Variants in ZFYVE27 observed in about 807,000 individuals in gnomAD.
The protein encoded by ZFYVE27 is protrudin.
Under a neutral mutation model 52.8 loss-of-function variants are expected in ZFYVE27, and 36 were observed. The observed-to-expected ratio is 0.68, with a 90% CI of 0.52 to 0.90. ZFYVE27 has a LOEUF of 0.90. ZFYVE27 is among the 40% of genes least tolerant of loss of function. The pLI is 0.00. For missense variants in ZFYVE27, 450 were observed against 527.2 expected (o/e 0.85, Z 1.43); for synonymous variants, 223 against 215.6 (o/e 1.03, Z -0.30).
intron 5 of ZFYVE27, among the ~76,000 whole-genome samples, chr10:97,748,883 A>T (rs1016326729): frequency 6.6e-6 from 1 of 152,240 alleles, no homozygotes; most frequent in Non-Finnish European, 1.5e-5. Context: ...TTATGGATTT[A>T]GCTTTAATGT....
Position 97,753,083 on chromosome 10 carries a change from C to T in ZFYVE27, c.943C>T (p.Leu315=), listed in dbSNP as rs1415967517. Residue 315 remains leucine (L), a synonymous_variant, in exon 10 of 13, where the codon CTG becomes TTG. Transcript: ENST00000684270. The stretch of plus-strand genomic sequence containing the variant: ...GTGCCCAGCAGAGGATGAGCTGGCC[C>T]TGCAGGACAACGGGTTCCTGAGCAA... ...APCPAEDELA[L]QDNGFLSKNE... 19 of 1,611,712 alleles carry T rather than the reference C, an allele frequency of 1.2e-5. 2 individuals carry two copies. The highest frequency in any genetic ancestry group is 2.2e-5 in the South Asian group (2 of 90,542).
At chr10:97,740,533 C>T (rs991069174) in intron 2 of ZFYVE27, among the ~76,000 whole-genome samples, 1 of 152,160 alleles carries the variant, frequency 6.6e-6, no homozygotes, top group African/African-American at 2.4e-5. Flanking sequence ...CTGTCCTGCC[C>T]GTCTCCTTTT....
chr10:97,747,237 C>T (rs1049001658), intron 4 of ZFYVE27, among the ~76,000 whole-genome samples: 1 of 152,166 alleles, frequency 6.6e-6, no homozygotes, highest in Non-Finnish European at 1.5e-5. Context: ...ATGTTCAGTA[C>T]ATCCGTATCA....
rs776522570 is a variant in ZFYVE27, at chr10:97,750,443, C to A, written c.777C>A (p.Asp259Glu). 2 of 1,614,158 alleles carry A rather than the reference C, an allele frequency of 1.2e-6. No individual in the cohort carries two copies. Among genetic ancestry groups the A allele is most frequent in the East Asian group, 4.5e-5 (2 of 44,872 alleles). ...TTGGGGGGAAGGATGGTCTGATGGA[C>A]AGCACGCCTGCCCTCACACCCACGG... ...PDVGGKDGLM[D>E]STPALTPTED... Residue 259 changes from aspartate (D) to glutamate (E), a missense_variant, in exon 7 of 13, where the codon GAC becomes GAA. Asp to Glu is a conservative substitution (Grantham distance 45, BLOSUM62 2). Coordinates refer to ENST00000684270, the MANE Select transcript of ZFYVE27 (RefSeq NM_001385875.1).
At chr10:97,757,234 C>T (rs769844106) in intron 10 of ZFYVE27, 31 bp from the exon 11 acceptor site, 20 of 1,614,030 alleles carry the variant, frequency 1.2e-5, no homozygotes, top group Middle Eastern at 1.7e-4. Context: ...CTGGGATGGG[C>T]GGGGGTTGAG....
chr10:97,744,720 A>AT lies in ZFYVE27; in HGVS notation c.269-7dup. 1 of 1,613,220 alleles carries AT rather than the reference A, an allele frequency of 6.2e-7. No homozygotes were observed. The highest frequency in any genetic ancestry group is 8.5e-7 in the Non-Finnish European group (1 of 1,179,984). ...ACCTGTGTTACCTGCAGTGTTTTTG[A>AT]TTCTGCAGGTGCATGGTACTCAGTA... is the stretch of plus-strand genomic sequence containing the variant. On this transcript the variant is annotated splice_polypyrimidine_tract_variant and intron_variant, in intron 3 of 12. Coordinates refer to ENST00000684270, the MANE Select transcript of ZFYVE27 (RefSeq NM_001385875.1).
chr10:97,745,296 C>T (rs1229344148), intron 4 of ZFYVE27, among the ~76,000 whole-genome samples: 1 of 151,932 alleles, frequency 6.6e-6, no homozygotes, highest in Non-Finnish European at 1.5e-5. Context: ...TCTCCTGCCT[C>T]AGCCTCCCAA....
intron 7 of ZFYVE27, among the ~76,000 whole-genome samples, chr10:97,750,870 A>G (rs2046788422): frequency 1.3e-5 from 2 of 151,726 alleles, no homozygotes; most frequent in South Asian, 4.2e-4. Flanking sequence ...CCTCTTGGGT[A>G]GCTGGGACTG....
Position 97,759,423 on chromosome 10 carries a change from T to G in ZFYVE27, c.*123T>G. 2 of 932,640 alleles carry G rather than the reference T, an allele frequency of 2.1e-6. No homozygotes were observed. Among genetic ancestry groups the G allele is most frequent in the South Asian group, 2.8e-5 (2 of 72,720 alleles). The allele number at this position is 932,640 out of a possible 1,614,324, so 57.8% of individuals were successfully genotyped here. A position where few individuals can be genotyped will look rare whatever the true frequency, so the allele number is the denominator to read the frequency against. On this transcript the variant is annotated 3_prime_UTR_variant, in exon 13 of 13. Coordinates refer to ENST00000684270, the MANE Select transcript of ZFYVE27 (RefSeq NM_001385875.1). ...AATGTGGCCTGAATGCTAGGTAGGC[T>G]TCCCCTTCCTTCCTCACTCTCTCCA...
chr10:97,751,500 C>T (rs756139941), intron 8 of ZFYVE27, 38 bp downstream of exon 8: 9 of 1,602,900 alleles, frequency 5.6e-6, no homozygotes, highest in Non-Finnish European at 6.8e-6. Context: ...ACTCAGCAGG[C>T]CAGAAATTGG....
intron 8 of ZFYVE27, among the ~76,000 whole-genome samples, chr10:97,751,809 G>T (rs2047077557): frequency 6.6e-6 from 1 of 152,196 alleles, no homozygotes; most frequent in Non-Finnish European, 1.5e-5. Flanking sequence ...CCGCTCTTCT[G>T]CAGAGTGAGT....
chr10:97,747,384 TCAAA>T (rs1479829261), intron 4 of ZFYVE27, among the ~76,000 whole-genome samples: 1 of 152,232 alleles, frequency 6.6e-6, no homozygotes, highest in Non-Finnish European at 1.5e-5. Flanking sequence ...TTGTTCCTCA[TCAAA>T]CATTTATCCA....
intron 3 of ZFYVE27, 117 bp from the exon 4 acceptor site, chr10:97,744,612 G>C: frequency 8.2e-7 from 1 of 1,221,080 alleles, no homozygotes; most frequent in East Asian, 2.5e-5. Context: ...AGAGCTATCA[G>C]GGAAGGCCTG....
In ZFYVE27 at chr10:97,747,569, T is replaced by C. The variant is rs77236677; in HGVS notation, c.456-700T>C. 2.8e-4 allele frequency among the ~76,000 whole-genome samples: 42 copies of C among 152,348 alleles called. No individual in the cohort carries two copies. The East Asian group carries it at 7.7e-3, about 28-fold the overall frequency. On this transcript the variant is annotated intron_variant, in intron 4 of 12. Transcript: ENST00000684270. ...ACTCATAGATTTATATTTTATTTGATGAGTTAGAATCTATTACTATCATTA... is the reference window on the plus strand; with the variant it reads ...ACTCATAGATTTATATTTTATTTGACGAGTTAGAATCTATTACTATCATTA...
At position 97,749,588 on chromosome 10, in the gene ZFYVE27, T is replaced by C. The variant is rs534257642; in HGVS notation, c.664+2T>C. ...TGGGGAATGTGGAGTTCTTCCGAGG[T>C]AAGCCCTGAAGGGCCTGAAAGATGG... is the stretch of plus-strand genomic sequence containing the variant. On this transcript the variant is annotated splice_donor_variant, in intron 6 of 12. Transcript: ENST00000684270. LOFTEE classifies it high-confidence loss of function. 34 of 1,613,494 alleles carry C rather than the reference T, an allele frequency of 2.1e-5. No homozygotes were observed. The highest frequency in any genetic ancestry group is 2.8e-5 in the Non-Finnish European group (33 of 1,179,538).
chr10:97,759,258 T>G lies in ZFYVE27; in HGVS notation c.1194T>G (p.Thr398=), dbSNP rs1487318505. The G allele has an allele frequency of 6.2e-7, 1 of 1,613,976 alleles. No homozygotes were observed. The highest frequency in any genetic ancestry group is 1.3e-5 in the African/African-American group (1 of 74,902). The change falls in exon 13 of 13, where the codon ACT becomes ACG. Residue 398 remains threonine, a synonymous_variant. Transcript: ENST00000684270. ...CAGCCCCTGAAGCCCAGAGGGAGACTGTGTTTGTGTGTGCCTCGTGTAACC... is the reference window on the plus strand; with the variant it reads ...CAGCCCCTGAAGCCCAGAGGGAGACGGTGTTTGTGTGTGCCTCGTGTAACC... The part of the protein sequence containing the change: ...GATAPEAQRE[T]VFVCASCNQT...
chr10:97,754,475 G>A (rs1214633784), intron 10 of ZFYVE27, among the ~76,000 whole-genome samples: 1 of 152,018 alleles, frequency 6.6e-6, no homozygotes, highest in East Asian at 1.9e-4. Flanking sequence ...ACCATGCCTG[G>A]CTAATTTTTG....
At chr10:97,759,034 C>T (rs2049116462) in intron 12 of ZFYVE27, among the ~76,000 whole-genome samples, 1 of 152,138 alleles carries the variant, frequency 6.6e-6, no homozygotes, top group South Asian at 2.1e-4. Flanking sequence ...ACAGGAGTGG[C>T]CTGCTGTTGG....
intron 6 of ZFYVE27, chr10:97,750,119 A>C: frequency 1.7e-6 from 1 of 593,088 alleles, no homozygotes; most frequent in Non-Finnish European, 3.0e-6. Context: ...AGCATTTACT[A>C]CATTTAATCT....
Sources: allele counts gnomAD v4.1 joint callset (sites outside exome capture counted in the v4.1 genomes callset), GRCh38; gene constraint gnomAD v4.1.1; transcripts MANE v1.5; gene names NCBI Gene and HGNC (gene_info 2026-07-23, HGNC 2026-07-21).